The following ANKRD50 variants were observed in gnomAD, a reference collection of about 807,000 sequenced individuals.
ANKRD50 encodes the protein ankyrin repeat domain-containing protein 50.
ANKRD50 carries 40 observed loss-of-function variants against 112.0 expected under a neutral mutation model. The observed-to-expected ratio is 0.36, with a 90% CI of 0.28 to 0.46. ANKRD50 has a LOEUF of 0.46. Ranked by LOEUF, ANKRD50 falls within the 20% of genes least tolerant of loss-of-function variation. The pLI, the probability that ANKRD50 is intolerant of heterozygous loss-of-function variation, is 1.00. For missense variants in ANKRD50, 1,487 were observed against 1,701.7 expected (o/e 0.87, Z 2.22); for synonymous variants, 613 against 619.1 (o/e 0.99, Z 0.15).
At chr4:124,678,303 GAAA>G (rs886882614) in intron 3 of ANKRD50, among the ~76,000 whole-genome samples, 2 of 149,682 alleles carry the variant, frequency 1.3e-5, no homozygotes, top group African/African-American at 4.9e-5. Flanking sequence ...GTAAGAGAAA[GAAA>G]AAAAAAGAAA....
At chr4:124,703,607 C>T (rs555875304) in intron 2 of ANKRD50, among the ~76,000 whole-genome samples, 11 of 151,230 alleles carry the variant, frequency 7.3e-5, no homozygotes, top group African/African-American at 2.7e-4. Flanking sequence ...CAGCAGCTGA[C>T]TCAAGTCTGT....
chr4:124,671,976 C>G lies in ANKRD50; in HGVS notation c.1301G>C (p.Arg434Thr), dbSNP rs373734288. The G allele has an allele frequency of 1.3e-5, 21 of 1,613,800 alleles. No homozygotes were observed. The highest frequency in any genetic ancestry group is 1.7e-5 in the Non-Finnish European group (20 of 1,179,888). ...ACAGGTATAACTCATAGCCAACATT[C>G]TGTGTCCTTCTGCTGCATTACATAA... is the stretch of plus-strand genomic sequence containing the variant. ...KYLCNAAEGH[R>T]MLAMSYTCQA... The change falls in exon 4 of 5, where the codon AGA becomes ACA. Residue 434 changes from arginine to threonine, a missense_variant. By Grantham distance (71) the Arg-to-Thr change is moderately conservative. This residue lies in a region of ANKRD50 where 1,046 missense variants were observed against 1,269.5 expected (regional missense o/e 0.82). Transcript: ENST00000504087.
In ANKRD50 at chr4:124,669,825, C is replaced by T. The variant is rs572632653; in HGVS notation, c.3452G>A (p.Arg1151His). The T allele has an allele frequency of 1.8e-4, 296 of 1,612,816 alleles. 2 individuals carry two copies. The South Asian group carries it at 2.8e-3, about 15-fold the overall frequency. ...ATGAGTAGGCCCATTAGGTAAACCACGTAACGAAGGCTGCATATCCCCTCC... is the reference window on the plus strand; with the variant it reads ...ATGAGTAGGCCCATTAGGTAAACCATGTAACGAAGGCTGCATATCCCCTCC... ...TGGGDMQPSL[R>H]GLPNGPTHAF... Residue 1151 changes from arginine to histidine, a missense_variant, in exon 4 of 5, where the codon CGT becomes CAT. Arg to His is a conservative substitution (Grantham distance 29). Coordinates refer to ENST00000504087, the MANE Select transcript of ANKRD50 (RefSeq NM_020337.3).
intron 2 of ANKRD50, among the ~76,000 whole-genome samples, chr4:124,691,367 C>CGGGCGCG (rs1725132962): frequency 6.9e-6 from 1 of 144,056 alleles, no homozygotes; most frequent in Non-Finnish European, 1.6e-5. Flanking sequence ...TGGCGGGCGC[C>CGGGCGCG]TGTAGTCCCA....
chr4:124,710,409 G>A lies in ANKRD50; in HGVS notation c.103C>T (p.His35Tyr), dbSNP rs183355451. Residue 35 changes from histidine to tyrosine, a missense_variant, in exon 2 of 5, where the codon CAT (histidine) becomes TAT (tyrosine). His to Tyr is a moderately conservative substitution (Grantham distance 83). Transcript: ENST00000504087. The part of the protein sequence containing the change: ...CREWVFHKLQ[H>Y]CLQEKSNCCN... ...CAGTTACTTTTCTCCTGGAGGCAAT[G>A]CTGAAGCTTGTGGAAAACCCACTCC... is the stretch of plus-strand genomic sequence containing the variant. 1.9e-5 allele frequency: 30 copies of A among 1,614,214 alleles called. No individual in the cohort carries two copies. In the East Asian group the frequency reaches 5.8e-4, roughly 31 times the overall value.
Position 124,670,933 on chromosome 4 carries a change from G to T in ANKRD50, c.2344C>A (p.Arg782Ser). 6.2e-7 allele frequency: 1 copy of T among 1,613,714 alleles called. No homozygotes were observed. The highest frequency in any genetic ancestry group is 8.5e-7 in the Non-Finnish European group (1 of 1,179,862). Residue 782 changes from arginine (R) to serine (S), a missense_variant, in exon 4 of 5, where the codon CGT becomes AGT. Arg to Ser is a moderately radical substitution (Grantham distance 110). Around this residue, in one of 2 missense-constraint regions of ANKRD50, gnomAD observed 1,046 missense variants for 1,269.5 expected, o/e 0.82. Coordinates refer to ENST00000504087, the MANE Select transcript of ANKRD50 (RefSeq NM_020337.3). Reference protein sequence around the residue: ...ADVDHTDNNGRTPLLAAASMG... With the variant: ...ADVDHTDNNGSTPLLAAASMG... Reference sequence around the variant, plus strand: ...GACGCTGCTGCTAAGAGGGGTGTACGGCCATTGTTATCTGTGTGATCTACA... The same window carrying T: ...GACGCTGCTGCTAAGAGGGGTGTACTGCCATTGTTATCTGTGTGATCTACA...
rs143809526 is a variant in ANKRD50, at chr4:124,675,385, TA to T, written c.743-2852del. ...CATATGAGGATAAGCAATACGAAAA[TA>T]AAACCTAAAAATATAACAAGAAGTT... On this transcript the variant is annotated intron_variant, in intron 3 of 4. Coordinates refer to ENST00000504087, the MANE Select transcript of ANKRD50 (RefSeq NM_020337.3). 1.8e-3 allele frequency among the ~76,000 whole-genome samples: 268 copies of T among 151,680 alleles called. 4 individuals are homozygous for T. In the East Asian group the frequency reaches 0.027, roughly 16 times the overall value.
At chr4:124,697,653 C>A (rs1560829612) in intron 2 of ANKRD50, among the ~76,000 whole-genome samples, 1 of 152,226 alleles carries the variant, frequency 6.6e-6, no homozygotes, top group East Asian at 1.9e-4. Context: ...TCTTGGATTT[C>A]CCAGCAACCA....
In ANKRD50 at chr4:124,678,799, A is replaced by C; in HGVS notation, c.619T>G (p.Ser207Ala). Residue 207 changes from serine to alanine, a missense_variant, in exon 3 of 5, where the codon TCT becomes GCT. Transcript: ENST00000504087. ...GCAACAGTCCCAGATAAGCTGGTAG[A>C]CGTTTGTTCACCTTCAGTAATGTTA... ...GCNITEGEQT[S>A]TSLSGTVAAL... 1.2e-6 allele frequency: 2 copies of C among 1,613,874 alleles called. No individual in the cohort carries two copies. Among genetic ancestry groups the C allele is most frequent in the Non-Finnish European group, 1.7e-6 (2 of 1,179,816 alleles).
intron 2 of ANKRD50, among the ~76,000 whole-genome samples, chr4:124,694,728 C>T (rs1282037331): frequency 6.6e-6 from 1 of 152,080 alleles, no homozygotes; most frequent in Non-Finnish European, 1.5e-5. Flanking sequence ...ACTGAATTTA[C>T]AAAATCGTTA....
Position 124,669,676 on chromosome 4 carries a change from C to T in ANKRD50, c.3601G>A (p.Ala1201Thr). 1 of 1,612,818 alleles carries T rather than the reference C, an allele frequency of 6.2e-7. No homozygotes were observed. Among genetic ancestry groups the T allele is most frequent in the Non-Finnish European group, 8.5e-7 (1 of 1,179,680 alleles). ...SLRTTSSTAT[A>T]QTVPIDSFHN... is the part of the protein sequence containing the mutation. ...AAGCTATCAATTGGCACTGTTTGAG[C>T]CGTTGCTGTAGATGAAGTAGTTCTC... Residue 1201 changes from alanine (A) to threonine (T), a missense_variant, in exon 4 of 5, where the codon GCT becomes ACT. Ala to Thr is a moderately conservative substitution (Grantham distance 58, BLOSUM62 0). Coordinates refer to ENST00000504087, the MANE Select transcript of ANKRD50 (RefSeq NM_020337.3).
chr4:124,682,322 CAAAAAAAAAAAAAAAAAA>C (rs36107017), intron 2 of ANKRD50, among the ~76,000 whole-genome samples: 22 of 87,538 alleles, frequency 2.5e-4, no homozygotes, highest in Admixed American at 3.7e-4. Context: ...GACTCCGTCT[CAAAAAAAAAAAAAAAAAA>C]AAAAAAAAAA....
intron 3 of ANKRD50, among the ~76,000 whole-genome samples, chr4:124,673,260 C>T (rs751760956): frequency 2.0e-5 from 3 of 152,060 alleles, no homozygotes; most frequent in Non-Finnish European, 2.9e-5. Flanking sequence ...CATAATTTCA[C>T]TGTCTAAAGG....
In ANKRD50 at chr4:124,671,036, A is replaced by G. The variant is rs146804600; in HGVS notation, c.2241T>C (p.Asp747=). 8 of 1,613,682 alleles carry G rather than the reference A, an allele frequency of 5.0e-6. No homozygotes were observed. Among genetic ancestry groups the G allele is most frequent in the African/African-American group, 1.3e-5 (1 of 74,888 alleles). The change falls in exon 4 of 5, where the codon GAT becomes GAC. Residue 747 remains aspartate, a synonymous_variant. Coordinates refer to ENST00000504087, the MANE Select transcript of ANKRD50 (RefSeq NM_020337.3). ...CAGCTACCAGCAGTGGAGTCATGCC[A>G]TCTTTATCACAATGATCTACTTCAG... ...RGAEVDHCDK[D]GMTPLLVAAY...
At chr4:124,703,314 G>C (rs1336224839) in intron 2 of ANKRD50, among the ~76,000 whole-genome samples, 1 of 152,210 alleles carries the variant, frequency 6.6e-6, no homozygotes, top group Non-Finnish European at 1.5e-5. Flanking sequence ...ATGAACGTTA[G>C]ATTTCAGCAA....
chr4:124,710,175 A>G lies in ANKRD50; in HGVS notation c.337T>C (p.Cys113Arg), dbSNP rs1174864133. The G allele has an allele frequency of 6.2e-7, 1 of 1,614,212 alleles. No homozygotes were observed. Among genetic ancestry groups the G allele is most frequent in the South Asian group, 1.1e-5 (1 of 91,086 alleles). The change falls in exon 2 of 5, where the codon TGC (cysteine) becomes CGC (arginine). Residue 113 changes from cysteine (C) to arginine (R), a missense_variant. This residue lies in a region of ANKRD50 where 1,046 missense variants were observed against 1,269.5 expected (regional missense o/e 0.82). Coordinates refer to ENST00000504087, the MANE Select transcript of ANKRD50 (RefSeq NM_020337.3). ...LHRQALAFHF[C>R]KAQDSDTLCV... ...AAAGTATCAGAGTCCTGGGCTTTGCAGAAATGAAAGGCCAAAGCTTGGCGA... is the reference window on the plus strand; with the variant it reads ...AAAGTATCAGAGTCCTGGGCTTTGCGGAAATGAAAGGCCAAAGCTTGGCGA...
Position 124,686,513 on chromosome 4 carries a change from C to T in ANKRD50, c.513-7608G>A, listed in dbSNP as rs989922415. ...AGCTCCGCCCCCAGACTAGGCTCTT[C>T]TCCCATATGACCCCTATGGAAAAGC... is the stretch of plus-strand genomic sequence containing the variant. On this transcript the variant is annotated intron_variant, in intron 2 of 4. Coordinates refer to ENST00000504087, the MANE Select transcript of ANKRD50 (RefSeq NM_020337.3). 5.7e-4 allele frequency among the ~76,000 whole-genome samples: 86 copies of T among 152,208 alleles called. 1 individual carries two copies. Among genetic ancestry groups the T allele is most frequent in the African/African-American group, 2.0e-3 (83 of 41,522 alleles).
At chr4:124,701,824 A>G (rs890350820) in intron 2 of ANKRD50, among the ~76,000 whole-genome samples, 4 of 152,020 alleles carry the variant, frequency 2.6e-5, no homozygotes, top group Non-Finnish European at 5.9e-5. Context: ...AGAGATTTTT[A>G]AAAACAAAAA....
At chr4:124,679,768 A>T (rs1301113091) in intron 2 of ANKRD50, among the ~76,000 whole-genome samples, 2 of 152,130 alleles carry the variant, frequency 1.3e-5, no homozygotes, top group East Asian at 1.9e-4. Flanking sequence ...ACCATGCAAG[A>T]ATCAATATTT....
Sources: gnomAD v4.1 joint callset for allele counts (sites outside exome capture counted in the v4.1 genomes callset) on GRCh38, gnomAD v4.1.1 for gene constraint, gnomAD v4.1.1 regional missense constraint, MANE v1.5 for transcripts, NCBI Gene and HGNC (gene_info 2026-07-23, HGNC 2026-07-21) for gene names.